The following GMFG variants were observed in gnomAD, a reference collection of about 807,000 sequenced individuals.
The protein encoded by GMFG is glia maturation factor gamma.
GMFG carries 21 observed loss-of-function variants against 26.1 expected under a neutral mutation model. That is an observed-to-expected ratio of 0.80 (90% CI 0.57 to 1.16). The LOEUF is 1.16. Among genes scored for constraint, GMFG ranks in the 50% most tolerant of loss-of-function variants. The pLI, the probability that GMFG is intolerant of heterozygous loss-of-function variation, is 0.00. For synonymous variants in GMFG, 65 were observed against 60.8 expected, an observed-to-expected ratio of 1.07 and a Z score of -0.32; for missense variants, 161 against 178.3, an observed-to-expected ratio of 0.90 and a Z score of 0.55.
chr19:39,334,617 T>C (rs1232159867), intron 3 of GMFG, among the ~76,000 whole-genome samples: 1 of 152,098 alleles, frequency 6.6e-6, no homozygotes, highest in African/African-American at 2.4e-5. Context: ...CAATAAAGCA[T>C]TATTATCATC....
intron 4 of GMFG, among the ~76,000 whole-genome samples, chr19:39,331,108 T>G (rs1004095725): frequency 6.6e-6 from 1 of 152,196 alleles, no homozygotes; most frequent in Non-Finnish European, 1.5e-5. Flanking sequence ...AGAGTGCAGA[T>G]GCTCACAGGA....
At chr19:39,332,588 G>T (rs2075231177) in intron 4 of GMFG, among the ~76,000 whole-genome samples, 2 of 146,650 alleles carry the variant, frequency 1.4e-5, no homozygotes, top group South Asian at 4.2e-4. Context: ...ATAAAATTCT[G>T]CAATAAAATA....
At chr19:39,328,759 G>A (rs543618105) in intron 6 of GMFG, 34 of 608,380 alleles carry the variant, frequency 5.6e-5, no homozygotes, top group Middle Eastern at 4.2e-4. Context: ...TGTGCCTGTC[G>A]TCCCACTACT....
At position 39,335,323 on chromosome 19, in the gene GMFG, G is replaced by A; in HGVS notation, c.101-13C>T. The A allele has an allele frequency of 6.3e-7, 1 of 1,582,926 alleles. No homozygotes were observed. The highest frequency in any genetic ancestry group is 8.6e-7 in the Non-Finnish European group (1 of 1,162,022). ...TTGTCCACCTTCACTGGGGAGGGGTGGCACACAGGGATTAGACACTCCCCC... is the reference window on the plus strand; with the variant it reads ...TTGTCCACCTTCACTGGGGAGGGGTAGCACACAGGGATTAGACACTCCCCC... On this transcript the variant is annotated splice_polypyrimidine_tract_variant and intron_variant, in intron 2 of 6. Transcript: ENST00000597595.
At position 39,335,473 on chromosome 19, in the gene GMFG, A is replaced by G. The variant is rs769181492; in HGVS notation, c.62T>C (p.Phe21Ser). The change falls in exon 2 of 7, where the codon TTC becomes TCC. Residue 21 changes from phenylalanine (F) to serine (S), a missense_variant. Phe to Ser is a radical substitution (Grantham distance 155). Transcript: ENST00000597595. ...DPELTEKLRK[F>S]RFRKETDNAA... ...ATTGTCTGTCTCTTTTCGGAAGCGG[A>G]ATTTCCTCAGCTTTTCTGTTAGCTC... is the stretch of plus-strand genomic sequence containing the variant. 9 of 1,613,864 alleles carry G rather than the reference A, an allele frequency of 5.6e-6. No individual in the cohort carries two copies. Among genetic ancestry groups the G allele is most frequent in the East Asian group, 4.5e-5 (2 of 44,876 alleles).
At chr19:39,329,879 G>A (rs1038401091) in intron 4 of GMFG, among the ~76,000 whole-genome samples, 2 of 152,116 alleles carry the variant, frequency 1.3e-5, no homozygotes, top group Non-Finnish European at 2.9e-5. Context: ...AGGAGTTCGA[G>A]ACCAGCCTGG....
chr19:39,329,023 C>G lies in GMFG; in HGVS notation c.334G>C (p.Val112Leu). 2 of 1,613,520 alleles carry G rather than the reference C, an allele frequency of 1.2e-6. No individual in the cohort carries two copies. Among genetic ancestry groups the G allele is most frequent in the Non-Finnish European group, 1.7e-6 (2 of 1,179,432 alleles). The change falls in exon 6 of 7, where the codon GTG becomes CTG. Residue 112 changes from valine to leucine, a missense_variant. Coordinates refer to ENST00000597595, the MANE Select transcript of GMFG (RefSeq NM_004877.4). ...ACCTTTGTGAGCTCTGCTGTCTGCA[C>G]CAGCCTGTTTTTACTCCCTGCATAC... Reference protein sequence around the residue: ...MMYAGSKNRLVQTAELTKVFE... With the variant: ...MMYAGSKNRLLQTAELTKVFE...
At chr19:39,335,933 C>T (rs745902036) in intron 1 of GMFG, 41 bp downstream of exon 1, 6 of 1,298,724 alleles carry the variant, frequency 4.6e-6, no homozygotes, top group South Asian at 1.2e-5. Context: ...CCAGCCCCAA[C>T]CCCAGCCCCA....
chr19:39,333,792 G>T (rs1053028368), intron 3 of GMFG, among the ~76,000 whole-genome samples: 3 of 152,058 alleles, frequency 2.0e-5, no homozygotes, highest in Non-Finnish European at 4.4e-5. Flanking sequence ...ATAGAAAGCA[G>T]CAGAGTTGAG....
intron 4 of GMFG, among the ~76,000 whole-genome samples, chr19:39,330,170 C>T (rs2075220809): frequency 6.6e-6 from 1 of 152,086 alleles, no homozygotes; most frequent in African/African-American, 2.4e-5. Flanking sequence ...GATGAGAAAA[C>T]TGAGGCCCAA....
Position 39,336,041 on chromosome 19 carries a change from G to A in GMFG, c.-65C>T. On this transcript the variant is annotated 5_prime_UTR_variant, in exon 1 of 7. Transcript: ENST00000597595. Reference sequence around the variant, plus strand: ...CTGTCTTCTAGGCGTGGGGACCGGGGCTGTAGGGGGGCGGGCTGTGCAGTA... The same window carrying A: ...CTGTCTTCTAGGCGTGGGGACCGGGACTGTAGGGGGGCGGGCTGTGCAGTA... 3.1e-6 allele frequency: 4 copies of A among 1,309,508 alleles called. No individual in the cohort carries two copies. The highest frequency in any genetic ancestry group is 4.4e-6 in the Non-Finnish European group (4 of 903,210). The allele number at this position is 1,309,508 out of a possible 1,614,324, so 81.1% of individuals were successfully genotyped here.
At chr19:39,329,141 G>C (rs1398243538) in intron 5 of GMFG, 68 bp from the exon 6 acceptor site, 1 of 1,077,354 alleles carries the variant, frequency 9.3e-7, no homozygotes, top group Non-Finnish European at 1.4e-6. Context: ...CTCTAGTAAT[G>C]TCCTGAAGGC....
rs763915912 is a variant in GMFG, at chr19:39,328,563, G to T, written c.358-15C>A. The stretch of plus-strand genomic sequence containing the variant: ...ATTTCGAACACCTGGGCAGAGAGAG[G>T]TCTCGGCATTATGATCTACTCAAAC... On this transcript the variant is annotated splice_polypyrimidine_tract_variant and intron_variant, in intron 6 of 6. Coordinates refer to ENST00000597595, the MANE Select transcript of GMFG (RefSeq NM_004877.4). 3.1e-6 allele frequency: 5 copies of T among 1,596,030 alleles called. No homozygotes were observed. The highest frequency in any genetic ancestry group is 1.3e-5 in the African/African-American group (1 of 74,554).
chr19:39,332,132 GGA>G (rs377528962), intron 4 of GMFG, among the ~76,000 whole-genome samples: 59 of 151,892 alleles, frequency 3.9e-4, no homozygotes, highest in African/African-American at 1.4e-3. Flanking sequence ...CCTGAGGTTA[GGA>G]GTTCGAGACC....
At chr19:39,335,039 T>C (rs553948019) in intron 3 of GMFG, among the ~76,000 whole-genome samples, 1 of 152,084 alleles carries the variant, frequency 6.6e-6, no homozygotes, top group Admixed American at 6.6e-5. Flanking sequence ...TTAGTACAGA[T>C]GGGGTTTCAC....
In GMFG at chr19:39,335,432, C is replaced by G; in HGVS notation, c.100+3G>C. 6.2e-7 allele frequency: 1 copy of G among 1,609,640 alleles called. No individual in the cohort carries two copies. The highest frequency in any genetic ancestry group is 8.5e-7 in the Non-Finnish European group (1 of 1,175,902). On this transcript the variant is annotated splice_donor_region_variant and intron_variant, in intron 2 of 6. Transcript: ENST00000597595. ...TCCTTCTGTGGGGGAAGATGTCACT[C>G]ACTTATGATGGCTGCATTGTCTGTC...
chr19:39,332,348 A>T (rs997161026), intron 4 of GMFG, among the ~76,000 whole-genome samples: 2 of 151,364 alleles, frequency 1.3e-5, no homozygotes, highest in Admixed American at 1.3e-4. Flanking sequence ...AAAAAAAAAA[A>T]ATAGAGACAA....
At position 39,330,588 on chromosome 19, in the gene GMFG, C is replaced by T. The variant is rs535683413; in HGVS notation, c.201-962G>A. ...GGAGTATAGGTGCACACCACCATGC[C>T]CAGCTAATTTTTTTTTTTTTTTTTT... On this transcript the variant is annotated intron_variant, in intron 4 of 6. Transcript: ENST00000597595. Among the ~76,000 whole-genome samples, 187 of 149,790 alleles carry T rather than the reference C, an allele frequency of 1.2e-3. 1 individual carries two copies. Among genetic ancestry groups the T allele is most frequent in the African/African-American group, 4.0e-3 (158 of 39,638 alleles).
chr19:39,328,557 A>G lies in GMFG; in HGVS notation c.358-9T>C, dbSNP rs2075212940. The G allele has an allele frequency of 1.2e-5, 19 of 1,605,598 alleles. No individual in the cohort carries two copies. Among genetic ancestry groups the G allele is most frequent in the Non-Finnish European group, 1.6e-5 (19 of 1,172,530 alleles). On this transcript the variant is annotated splice_polypyrimidine_tract_variant and intron_variant, in intron 6 of 6. Coordinates refer to ENST00000597595, the MANE Select transcript of GMFG (RefSeq NM_004877.4). ...GTGCGGATTTCGAACACCTGGGCAG[A>G]GAGAGGTCTCGGCATTATGATCTAC... is the stretch of plus-strand genomic sequence containing the variant.
Sources: allele counts gnomAD v4.1 joint callset (sites outside exome capture counted in the v4.1 genomes callset), GRCh38; gene constraint gnomAD v4.1.1; transcripts MANE v1.5; gene names NCBI Gene and HGNC (gene_info 2026-07-23, HGNC 2026-07-21).